Variants in ROBO2 observed in about 807,000 individuals in gnomAD.
ROBO2 encodes the protein roundabout homolog 2.
Under a neutral mutation model 160.8 loss-of-function variants are expected in ROBO2, and 53 were observed. That is an observed-to-expected ratio of 0.33 (90% confidence interval 0.26 to 0.41). The LOEUF (loss-of-function observed/expected upper bound fraction) is 0.41, where lower values mean the gene tolerates loss of function less well. Among genes scored for constraint, ROBO2 ranks in the 10% least tolerant of loss-of-function variants. The pLI, the probability that ROBO2 is intolerant of heterozygous loss-of-function variation, is 1.00. For synonymous variants in ROBO2, 664 were observed against 611.7 expected, an observed-to-expected ratio of 1.09 and a Z score of -1.26; for missense variants, 1,577 against 1,722.4, an observed-to-expected ratio of 0.92 and a Z score of 1.49.
intron 23 of ROBO2, among the ~76,000 whole-genome samples, chr3:77,624,747 TC>T (rs747251341): frequency 2.1e-4 from 32 of 152,096 alleles, no homozygotes; most frequent in Non-Finnish European, 7.4e-5. Context: ...AGTCATTACC[TC>T]CCCCTGAAAT....
intron 2 of ROBO2, among the ~76,000 whole-genome samples, chr3:77,459,422 A>G (rs2082008963): frequency 6.6e-6 from 1 of 152,216 alleles, no homozygotes; most frequent in African/African-American, 2.4e-5. Flanking sequence ...TTATTCAATG[A>G]ACATTTATTG....
chr3:76,599,409 CT>C (rs1353043087), intron 2 of ROBO2, among the ~76,000 whole-genome samples: 1 of 152,096 alleles, frequency 6.6e-6, no homozygotes, highest in Non-Finnish European at 1.5e-5. Flanking sequence ...TAATCTTGTT[CT>C]TTTTTATGGC....
intron 2 of ROBO2, among the ~76,000 whole-genome samples, chr3:76,946,562 G>A (rs936236366): frequency 8.6e-5 from 13 of 151,878 alleles, no homozygotes; most frequent in Non-Finnish European, 1.6e-4. Flanking sequence ...CTCAGCCTCC[G>A]GAGTAGCTGG....
intron 2 of ROBO2, among the ~76,000 whole-genome samples, chr3:77,196,081 T>G (rs2082282029): frequency 6.6e-6 from 1 of 152,302 alleles, no homozygotes; most frequent in African/African-American, 2.4e-5. Flanking sequence ...GGCCTGAAAC[T>G]AATCAAATAT....
At chr3:77,444,176 A>C (rs571947733) in intron 2 of ROBO2, among the ~76,000 whole-genome samples, 1 of 152,294 alleles carries the variant, frequency 6.6e-6, no homozygotes, top group Admixed American at 6.5e-5. Flanking sequence ...TTTAATATTA[A>C]GATTTTCTCT....
chr3:76,283,690 G>A (rs771294914), intron 2 of ROBO2, among the ~76,000 whole-genome samples: 8 of 151,880 alleles, frequency 5.3e-5, no homozygotes, highest in South Asian at 4.1e-4. Context: ...TCACTTTTTC[G>A]TCAAGAAATG....
intron 2 of ROBO2, among the ~76,000 whole-genome samples, chr3:76,770,099 A>G (rs9852114): frequency 0.02 from 2,983 of 151,594 alleles, 93 homozygotes; most frequent in African/African-American, 0.067. Flanking sequence ...TTAAATTACC[A>G]TCATGTAATG....
At position 76,123,170 on chromosome 3, in the gene ROBO2, ACT is replaced by A. The variant is rs200287605; in HGVS notation, c.109+185571_109+185572del. On this transcript the variant is annotated intron_variant, in intron 2 of 26. Coordinates refer to the ROBO2 transcript ENST00000487694. The stretch of plus-strand genomic sequence containing the variant: ...GCATTCTTAATTAATTGAAGCAAAT[ACT>A]CTTTTTAATTCATGGTGAAAATATA... Among the ~76,000 whole-genome samples the A allele has an allele frequency of 7.2e-3, 1,095 of 152,144 alleles. 10 individuals carry two copies. Among genetic ancestry groups the A allele is most frequent in the African/African-American group, 0.025 (1,055 of 41,524 alleles).
At chr3:77,252,831 A>AAAAAAAAAAATAT in intron 2 of ROBO2, among the ~76,000 whole-genome samples, 1 of 12,516 alleles carries the variant, frequency 8.0e-5, no homozygotes, top group African/African-American at 1.6e-4. Flanking sequence ...AAAAAAAAAA[A>AAAAAAAAAAATAT]ATATATATAT....
chr3:76,825,530 A>G (rs1385657954), intron 2 of ROBO2, among the ~76,000 whole-genome samples: 1 of 150,318 alleles, frequency 6.7e-6, no homozygotes, highest in Non-Finnish European at 1.5e-5. Context: ...ACATAAAGTA[A>G]CTACGAAGAA....
chr3:77,263,031 G>GT (rs1308910112), intron 2 of ROBO2, among the ~76,000 whole-genome samples: 2 of 152,062 alleles, frequency 1.3e-5, no homozygotes, highest in Non-Finnish European at 2.9e-5. Flanking sequence ...GAGTAACACA[G>GT]TAACTAAATG....
At chr3:77,255,770 A>G (rs1038905436) in intron 2 of ROBO2, among the ~76,000 whole-genome samples, 2 of 152,248 alleles carry the variant, frequency 1.3e-5, no homozygotes, top group African/African-American at 4.8e-5. Context: ...AGGATCCTAA[A>G]TATCCAATGC....
intron 2 of ROBO2, among the ~76,000 whole-genome samples, chr3:77,186,551 A>G (rs1314439178): frequency 6.6e-6 from 1 of 151,714 alleles, no homozygotes; most frequent in Admixed American, 6.6e-5. Context: ...AAAAGAGATT[A>G]TACGGAGCAC....
At position 76,824,615 on chromosome 3, in the gene ROBO2, C is replaced by T. The variant is rs1281145857; in HGVS notation, c.110-273399C>T. Among the ~76,000 whole-genome samples, 4 of 152,226 alleles carry T rather than the reference C, an allele frequency of 2.6e-5. No individual in the cohort carries two copies. In the East Asian group the frequency reaches 5.8e-4, roughly 22 times the overall value. ...CTGAGTTTATAAGTCAGAATCCAGT[C>T]AGGAGACAGAAGCCACACCAGTTGT... is the stretch of plus-strand genomic sequence containing the variant. On this transcript the variant is annotated intron_variant, in intron 2 of 26. Transcript: ENST00000487694.
chr3:77,408,363 G>A (rs1033630163), intron 2 of ROBO2, among the ~76,000 whole-genome samples: 1 of 152,078 alleles, frequency 6.6e-6, no homozygotes, highest in Admixed American at 6.5e-5. Context: ...GTTTCTCTAA[G>A]TTGAAATAAA....
At chr3:76,997,019 G>T (rs1458368543) in intron 2 of ROBO2, among the ~76,000 whole-genome samples, 1 of 152,084 alleles carries the variant, frequency 6.6e-6, no homozygotes, top group Admixed American at 6.6e-5. Flanking sequence ...CATAATTAGT[G>T]TGTGCTAGAT....
intron 2 of ROBO2, among the ~76,000 whole-genome samples, chr3:76,727,754 G>T (rs2093575560): frequency 6.6e-6 from 1 of 152,072 alleles, no homozygotes; most frequent in Non-Finnish European, 1.5e-5. Flanking sequence ...CAGGAAGGGG[G>T]CAGGAAATGG....
chr3:77,448,406 G>A (rs1483434197), intron 2 of ROBO2, among the ~76,000 whole-genome samples: 1 of 152,142 alleles, frequency 6.6e-6, no homozygotes, highest in Non-Finnish European at 1.5e-5. Flanking sequence ...CTTGATGACT[G>A]TAGATGAATC....
At chr3:77,528,142 T>C (rs2091340909) in intron 6 of ROBO2, among the ~76,000 whole-genome samples, 1 of 151,720 alleles carries the variant, frequency 6.6e-6, no homozygotes, top group African/African-American at 2.4e-5. Flanking sequence ...TTAGTAAGCT[T>C]TCTGCATCTC....
Sources: allele counts gnomAD v4.1 joint callset (sites outside exome capture counted in the v4.1 genomes callset), GRCh38; gene constraint gnomAD v4.1.1; transcripts MANE v1.5; gene names NCBI Gene and HGNC (gene_info 2026-07-23, HGNC 2026-07-21).